Variants in TLE4 observed in about 807,000 individuals in gnomAD.
TLE4 encodes TLE family member 4, transcriptional corepressor, also known as transducin-like enhancer protein 4.
TLE4 carries 8 observed loss-of-function variants against 92.8 expected under a neutral mutation model. The ratio of observed to expected loss-of-function variants is 0.09; its 90% CI spans 0.05 to 0.16. TLE4 has a LOEUF of 0.16. Among genes scored for constraint, TLE4 ranks in the 10% least tolerant of loss-of-function variants. The pLI, the probability that TLE4 is intolerant of heterozygous loss-of-function variation, is 1.00. For synonymous variants in TLE4, 371 were observed against 374.1 expected (o/e 0.99, Z 0.10); for missense variants, 675 against 997.6 (o/e 0.68, Z 4.36).
chr9:79,691,171 C>A (rs964061637), intron 8 of TLE4, among the ~76,000 whole-genome samples: 6 of 152,198 alleles, frequency 3.9e-5, no homozygotes, highest in Admixed American at 3.9e-4. Flanking sequence ...GCAACAGCTC[C>A]TTACTGGCCC....
intron 4 of TLE4, among the ~76,000 whole-genome samples, chr9:79,579,397 A>C (rs2038972489): frequency 6.6e-6 from 1 of 152,228 alleles, no homozygotes; most frequent in Admixed American, 6.5e-5. Flanking sequence ...CATTCTAAAA[A>C]GTGAGTATTG....
chr9:79,631,616 A>ATGTGTGTGTGTGTG (rs57129541), intron 6 of TLE4, among the ~76,000 whole-genome samples: 1,546 of 118,194 alleles, frequency 0.013, 29 homozygotes, highest in Middle Eastern at 0.021. Flanking sequence ...TGAACCTTAA[A>ATGTGTGTGTGTGTG]TGTGTGTGTG....
At chr9:79,708,852 G>A (rs775860553) in intron 13 of TLE4, 66 bp downstream of exon 13, 8 of 1,504,384 alleles carry the variant, frequency 5.3e-6, no homozygotes, top group African/African-American at 4.1e-5. Context: ...GATTGATTGC[G>A]ACAGGGTCTC....
rs764656688 is a variant in TLE4, at chr9:79,573,672, T to G, written c.46-17T>G. The G allele has an allele frequency of 6.3e-7, 1 of 1,580,078 alleles. No homozygotes were observed. Among genetic ancestry groups the G allele is most frequent in the Admixed American group, 1.7e-5 (1 of 58,928 alleles). Reference sequence around the variant, plus strand: ...CTGTGATGTGGGCTAATTAAATATTTTATTGTTGTTCTTCAGGCACCGCAT... The same window carrying G: ...CTGTGATGTGGGCTAATTAAATATTGTATTGTTGTTCTTCAGGCACCGCAT... On this transcript the variant is annotated splice_polypyrimidine_tract_variant and intron_variant, in intron 1 of 19. Coordinates refer to ENST00000376552, the MANE Select transcript of TLE4 (RefSeq NM_007005.6).
chr9:79,718,046 A>G (rs548445951), intron 14 of TLE4: 1 of 456,624 alleles, frequency 2.2e-6, no homozygotes, highest in South Asian at 1.5e-5. Context: ...TGAACTGGAG[A>G]TGGAACTGCC....
intron 19 of TLE4, 126 bp from the exon 20 acceptor site, chr9:79,724,911 C>G: frequency 2.1e-6 from 1 of 470,648 alleles, no homozygotes; most frequent in Non-Finnish European, 4.1e-6. Context: ...CCACCTTTCA[C>G]CTTTCCTTGA....
At chr9:79,617,829 T>C (rs2050008152) in intron 5 of TLE4, among the ~76,000 whole-genome samples, 2 of 133,724 alleles carry the variant, frequency 1.5e-5, no homozygotes, top group Admixed American at 7.2e-5. Flanking sequence ...AGTGGTTTTT[T>C]CAAGGAAAAA....
chr9:79,636,213 A>G (rs1304761227), intron 6 of TLE4, among the ~76,000 whole-genome samples: 2 of 152,066 alleles, frequency 1.3e-5, no homozygotes, highest in African/African-American at 4.8e-5. Flanking sequence ...AGTAGCTGAG[A>G]CGCTACTCGG....
rs558246415 is a variant in TLE4 at position 79,606,924 on chromosome 9, C to T, written c.253-5732C>T. 1.5e-4 allele frequency among the ~76,000 whole-genome samples: 23 copies of T among 152,096 alleles called. No individual in the cohort carries two copies. In the East Asian group the frequency reaches 3.3e-3, roughly 22 times the overall value. Reference sequence around the variant, plus strand: ...GGATCACTGGGTCAAGTGGTATTTCCAGCTCTAGATCCTTGAGGACTCGCC... The same window carrying T: ...GGATCACTGGGTCAAGTGGTATTTCTAGCTCTAGATCCTTGAGGACTCGCC... On this transcript the variant is annotated intron_variant, in intron 4 of 19. Transcript: ENST00000376552.
At chr9:79,611,978 C>T (rs1445640997) in intron 4 of TLE4, among the ~76,000 whole-genome samples, 1 of 149,946 alleles carries the variant, frequency 6.7e-6, no homozygotes, top group Non-Finnish European at 1.5e-5. Context: ...GGATAGTTTC[C>T]AGATACATAC....
rs1587429133 is a variant in TLE4, at chr9:79,623,721, AT to A, written c.316-3646del. Among the ~76,000 whole-genome samples, 11 of 146,162 alleles carry A rather than the reference AT, an allele frequency of 7.5e-5. No homozygotes were observed. In the East Asian group the frequency reaches 2.0e-3, roughly 27 times the overall value. On this transcript the variant is annotated intron_variant, in intron 5 of 19. Coordinates refer to ENST00000376552, the MANE Select transcript of TLE4 (RefSeq NM_007005.6). ...AGGGTTTTTTTTTTTTTTTTTTAGA[AT>A]TTTTTTAAAATTGTAAAGTACAGCA...
chr9:79,662,072 C>T (rs147830408), intron 8 of TLE4, among the ~76,000 whole-genome samples: 4 of 152,186 alleles, frequency 2.6e-5, no homozygotes, highest in South Asian at 2.1e-4. Flanking sequence ...ACTAAATGTT[C>T]GTGAAAAGCT....
intron 8 of TLE4, among the ~76,000 whole-genome samples, chr9:79,661,993 T>A (rs2060590620): frequency 6.6e-6 from 1 of 152,140 alleles, no homozygotes; most frequent in South Asian, 2.1e-4. Context: ...CACACATACA[T>A]GTAATCCGCT....
intron 4 of TLE4, among the ~76,000 whole-genome samples, chr9:79,582,073 A>G (rs2039821144): frequency 6.6e-6 from 1 of 152,092 alleles, no homozygotes; most frequent in Non-Finnish European, 1.5e-5. Context: ...GTGGCTTATG[A>G]GAGTGCCTAC....
intron 4 of TLE4, among the ~76,000 whole-genome samples, chr9:79,602,360 G>A (rs2045856914): frequency 6.6e-6 from 1 of 152,230 alleles, no homozygotes; most frequent in Non-Finnish European, 1.5e-5. Flanking sequence ...AGCTAGAGAA[G>A]AGATGTCAGT....
At chr9:79,690,930 C>T (rs1467027630) in intron 8 of TLE4, among the ~76,000 whole-genome samples, 1 of 152,058 alleles carries the variant, frequency 6.6e-6, no homozygotes, top group Non-Finnish European at 1.5e-5. Flanking sequence ...GCCACCATGC[C>T]TGGTGATTCC....
rs1490704976 is a variant in TLE4, at chr9:79,667,230, C to A, written c.609+13155C>A. On this transcript the variant is annotated intron_variant, in intron 8 of 19. Transcript: ENST00000376552. The stretch of plus-strand genomic sequence containing the variant: ...GAATTTCAGGGTCCTGGGTACCCAG[C>A]TCATGGTGTAGAGGCCACGGACAAA... Among the ~76,000 whole-genome samples, 6 of 152,220 alleles carry A rather than the reference C, an allele frequency of 3.9e-5. No individual in the cohort carries two copies. In the South Asian group the frequency reaches 1.2e-3, roughly 32 times the overall value.
At chr9:79,672,640 C>T (rs2062607324) in intron 8 of TLE4, among the ~76,000 whole-genome samples, 1 of 152,144 alleles carries the variant, frequency 6.6e-6, no homozygotes, top group Non-Finnish European at 1.5e-5. Flanking sequence ...GTGGGGTCAG[C>T]TGTGCTTGAG....
chr9:79,718,356 C>T (rs1378121324), intron 14 of TLE4, among the ~76,000 whole-genome samples: 1 of 152,176 alleles, frequency 6.6e-6, no homozygotes, highest in East Asian at 1.9e-4. Flanking sequence ...GAAGGCAATG[C>T]AGGTTTATAG....
Sources: gnomAD v4.1 joint callset for allele counts (sites outside exome capture counted in the v4.1 genomes callset) on GRCh38, gnomAD v4.1.1 for gene constraint, MANE v1.5 for transcripts, NCBI Gene and HGNC (gene_info 2026-07-23, HGNC 2026-07-21) for gene names.